Variants in DAG1 observed in about 807,000 individuals in gnomAD.
The protein encoded by DAG1 is dystroglycan 1 (dystrophin-associated glycoprotein 1).
Under a neutral mutation model 46.1 loss-of-function variants are expected in DAG1, and 8 were observed. The observed-to-expected ratio is 0.17, with a 90% CI of 0.10 to 0.31. The LOEUF (loss-of-function observed/expected upper bound fraction) is 0.31. DAG1 is among the 10% of genes least tolerant of loss of function. The pLI is 1.00. For synonymous variants in DAG1, 495 were observed against 481.8 expected (o/e 1.03, Z -0.36); for missense variants, 1,003 against 1,189.9 (o/e 0.84, Z 2.31).
intron 2 of DAG1, among the ~76,000 whole-genome samples, chr3:49,524,023 C>G (rs1237175279): frequency 1.3e-5 from 2 of 152,202 alleles, no homozygotes; most frequent in Non-Finnish European, 1.5e-5. Flanking sequence ...TCCTGTTTCA[C>G]CCTTAGGATC....
rs2051342703 is a variant in DAG1, at chr3:49,531,448, C to G, written c.937C>G (p.Gln313Glu). 6.2e-7 allele frequency: 1 copy of G among 1,613,970 alleles called. No homozygotes were observed. The highest frequency in any genetic ancestry group is 2.2e-5 in the East Asian group (1 of 44,848). ...KPPLPKRVRR[Q>E]IHATPTPVTA... ...CCCTCTTCCCAAACGCGTCCGGAGG[C>G]AGATCCATGCTACACCCACACCTGT... Residue 313 changes from glutamine to glutamate, a missense_variant, in exon 3 of 3, where the codon CAG becomes GAG. Coordinates refer to ENST00000308775, the MANE Select transcript of DAG1 (RefSeq NM_004393.6). This position sits in a 1 kb window ranked among gnomAD's most constrained non-coding sequence, Gnocchi z 7.0.
At chr3:49,484,921 C>T (rs567758727) in intron 1 of DAG1, among the ~76,000 whole-genome samples, 14 of 151,922 alleles carry the variant, frequency 9.2e-5, no homozygotes, top group African/African-American at 2.9e-4. Flanking sequence ...CTCAGCCTCC[C>T]GAGTAGCTGG....
chr3:49,495,844 C>T (rs770443557), intron 1 of DAG1, among the ~76,000 whole-genome samples: 14 of 151,890 alleles, frequency 9.2e-5, no homozygotes, highest in Non-Finnish European at 1.0e-4. Flanking sequence ...TGCTTGAACC[C>T]GGAAGGCAGA....
At chr3:49,492,989 C>T (rs1207785470) in intron 1 of DAG1, 1 of 151,698 alleles carries the variant, frequency 6.6e-6, no homozygotes, top group African/African-American at 2.4e-5. Flanking sequence ...CACATAAATG[C>T]CCTGCAGAAT....
At chr3:49,512,765 T>G (rs2107669476) in intron 2 of DAG1, among the ~76,000 whole-genome samples, 1 of 148,244 alleles carries the variant, frequency 6.7e-6, no homozygotes, top group Middle Eastern at 3.4e-3. Flanking sequence ...CCCAGGAGTT[T>G]GAGACCAGCC....
intron 2 of DAG1, among the ~76,000 whole-genome samples, chr3:49,514,678 G>A (rs1001735979): frequency 3.3e-5 from 5 of 150,758 alleles, no homozygotes; most frequent in African/African-American, 9.8e-5. Flanking sequence ...CGCTCTTGTC[G>A]CCCAGGATGG....
Position 49,530,908 on chromosome 3 carries a change from G to T in DAG1, c.397G>T (p.Val133Leu). 1 of 1,614,146 alleles carries T rather than the reference G, an allele frequency of 6.2e-7. No individual in the cohort carries two copies. The highest frequency in any genetic ancestry group is 8.5e-7 in the Non-Finnish European group (1 of 1,180,014). The change falls in exon 3 of 3, where the codon GTG (valine) becomes TTG (leucine). Residue 133 changes from valine (V) to leucine (L), a missense_variant. By Grantham distance (32) the Val-to-Leu change is conservative. Around this residue, in one of 3 missense-constraint regions of DAG1, gnomAD observed 196 missense variants for 239.1 expected, o/e 0.82. Transcript: ENST00000308775. ...DTDKGVHYISVSATRLGANGS... is the reference protein window; with the variant it reads ...DTDKGVHYISLSATRLGANGS... Reference sequence around the variant, plus strand: ...TGATAAGGGTGTGCATTACATTTCAGTGAGCGCTACACGGCTGGGGGCCAA... The same window carrying T: ...TGATAAGGGTGTGCATTACATTTCATTGAGCGCTACACGGCTGGGGGCCAA...
At chr3:49,474,644 C>A (rs535815978) in intron 1 of DAG1, among the ~76,000 whole-genome samples, 2 of 152,096 alleles carry the variant, frequency 1.3e-5, no homozygotes, top group Non-Finnish European at 2.9e-5. Context: ...CTGCGCACCG[C>A]CCTGATTTTT....
intron 2 of DAG1, among the ~76,000 whole-genome samples, chr3:49,525,008 T>C (rs2051129476): frequency 6.6e-6 from 1 of 151,822 alleles, no homozygotes. Context: ...TAAAGAATCA[T>C]TGCCACTCAA....
At chr3:49,484,467 A>G (rs1238164702) in intron 1 of DAG1, among the ~76,000 whole-genome samples, 2 of 152,106 alleles carry the variant, frequency 1.3e-5, no homozygotes, top group Non-Finnish European at 2.9e-5. Context: ...ACCTGATTTA[A>G]TCAGATGGTA....
intron 1 of DAG1, among the ~76,000 whole-genome samples, chr3:49,486,186 T>TTTTATTTATTTATTTA (rs34143078): frequency 2.1e-5 from 3 of 145,118 alleles, no homozygotes; most frequent in South Asian, 2.2e-4. Context: ...TTTCTTTTTC[T>TTTTATTTATTTATTTA]TTTATTTATT....
intron 1 of DAG1, among the ~76,000 whole-genome samples, chr3:49,475,701 C>CT (rs398038718): frequency 0.42 from 56,744 of 136,164 alleles, 13,294 homozygotes; most frequent in East Asian, 0.93. Flanking sequence ...TTTTCTTTTT[C>CT]TTTTTTTTTT....
At chr3:49,487,941 A>G (rs568015030) in intron 1 of DAG1, among the ~76,000 whole-genome samples, 1 of 152,030 alleles carries the variant, frequency 6.6e-6, no homozygotes, top group African/African-American at 2.4e-5. Flanking sequence ...TGACCTCGTG[A>G]TCTGCCCGCC....
intron 1 of DAG1, among the ~76,000 whole-genome samples, chr3:49,483,727 T>G (rs1249216448): frequency 6.6e-6 from 1 of 152,110 alleles, no homozygotes; most frequent in African/African-American, 2.4e-5. Flanking sequence ...CTACCTGGAG[T>G]GTGGTGGCAT....
At chr3:49,514,738 A>G (rs543876299) in intron 2 of DAG1, among the ~76,000 whole-genome samples, 1 of 152,096 alleles carries the variant, frequency 6.6e-6, no homozygotes, top group East Asian at 1.9e-4. Flanking sequence ...TCCCGGGTTC[A>G]AGCGATTCTC....
At chr3:49,493,136 C>T (rs1283489850) in intron 1 of DAG1, among the ~76,000 whole-genome samples, 2 of 147,398 alleles carry the variant, frequency 1.4e-5, no homozygotes, top group African/African-American at 5.0e-5. Context: ...CCTCAACCTC[C>T]CAGGCTCAAG....
chr3:49,498,368 C>T (rs1328281136), intron 1 of DAG1, among the ~76,000 whole-genome samples: 1 of 152,044 alleles, frequency 6.6e-6, no homozygotes, highest in African/African-American at 2.4e-5. Flanking sequence ...GTCAAAAAGG[C>T]CTGTTTTTAA....
intron 1 of DAG1, among the ~76,000 whole-genome samples, chr3:49,484,540 C>G (rs1451915445): frequency 6.6e-6 from 1 of 152,078 alleles, no homozygotes; most frequent in African/African-American, 2.4e-5. Flanking sequence ...AAAAATGGCT[C>G]CGTATGCTTT....
At chr3:49,511,010 T>C (rs1575387623) in intron 2 of DAG1, 191 bp downstream of exon 2, 2 of 976,582 alleles carry the variant, frequency 2.0e-6, no homozygotes, top group East Asian at 1.1e-4. Flanking sequence ...CTAAACTGTA[T>C]TCTTGTTCCT....
Sources: allele counts gnomAD v4.1 joint callset (sites outside exome capture counted in the v4.1 genomes callset), GRCh38; gene constraint gnomAD v4.1.1; regional missense constraint gnomAD v4.1.1; non-coding constraint Gnocchi (gnomAD v3.1); transcripts MANE v1.5; gene names NCBI Gene and HGNC (gene_info 2026-07-23, HGNC 2026-07-21).